RNASET2: variants seen among roughly 807,000 people sequenced by gnomAD.
The protein encoded by RNASET2 is ribonuclease 6.
Under a neutral mutation model 33.9 loss-of-function variants are expected in RNASET2, and 28 were observed. The ratio of observed to expected loss-of-function variants is 0.83; its 90% CI spans 0.61 to 1.13. The LOEUF (loss-of-function observed/expected upper bound fraction) is 1.13. RNASET2 is among the 50% of genes most tolerant of loss of function. RNASET2 has a pLI of 0.00. For missense variants in RNASET2, 330 were observed against 319.9 expected, an observed-to-expected ratio of 1.03 and a Z score of -0.24; for synonymous variants, 123 against 121.0, an observed-to-expected ratio of 1.02 and a Z score of -0.11.
intron 2 of RNASET2, among the ~76,000 whole-genome samples, chr6:166,952,175 C>T (rs898273241): frequency 3.9e-5 from 6 of 152,220 alleles, no homozygotes; most frequent in Non-Finnish European, 2.9e-5. Flanking sequence ...AGAAACAGAA[C>T]AAACTCTCTC....
At position 166,929,712 on chromosome 6, in the gene RNASET2, G is replaced by A. The variant is rs200901770; in HGVS notation, c.647C>T (p.Pro216Leu). Residue 216 changes from proline to leucine, a missense_variant, in exon 9 of 9, where the codon CCG (proline) becomes CTG (leucine). Coordinates refer to ENST00000508775, the MANE Select transcript of RNASET2 (RefSeq NM_003730.6). The part of the protein sequence containing the change: ...QDQQLQNCTE[P>L]GEQPSPKQEV... ...CTGCTTGGGGGACGGCTGCTCCCCC[G>A]GCTCGGTGCAGTTTTGCAGCTGCTG... 3.7e-5 allele frequency: 60 copies of A among 1,613,970 alleles called. 1 individual carries two copies. The highest frequency in any genetic ancestry group is 3.3e-4 in the Middle Eastern group (2 of 6,084).
At chr6:166,949,388 C>A (rs1778928287) in intron 2 of RNASET2, among the ~76,000 whole-genome samples, 1 of 149,822 alleles carries the variant, frequency 6.7e-6, no homozygotes, top group African/African-American at 2.5e-5. Context: ...ACAGTTCCAG[C>A]TCCTCAGGAG....
chr6:166,955,535 C>A lies in RNASET2; in HGVS notation c.86+562G>T, dbSNP rs893190531. On this transcript the variant is annotated intron_variant, in intron 1 of 8. Coordinates refer to ENST00000508775, the MANE Select transcript of RNASET2 (RefSeq NM_003730.6). The stretch of plus-strand genomic sequence containing the variant: ...AAGCTGAAATTAAGTGTCCCCTCCA[C>A]GACTTCTTCGACCTCTGAGAGAACT... The A allele has an allele frequency of 2.7e-5, 27 of 987,072 alleles. No homozygotes were observed. In the Middle Eastern group the frequency reaches 1.6e-3, roughly 57 times the overall value. 61.1% of individuals were successfully genotyped at this position (987,072 alleles called of 1,614,324 possible). A position where few individuals can be genotyped will look rare whatever the true frequency, so the allele number is the denominator to read the frequency against.
intron 2 of RNASET2, among the ~76,000 whole-genome samples, chr6:166,951,594 C>T (rs962621993): frequency 6.6e-6 from 1 of 152,254 alleles, no homozygotes; most frequent in Admixed American, 6.5e-5. Flanking sequence ...TCACACTTGT[C>T]TTCTGGTCAC....
In RNASET2 at chr6:166,927,829, C is replaced by A. The variant is rs567656075; in HGVS notation, c.*1759G>T. On this transcript the variant is annotated 3_prime_UTR_variant, in exon 9 of 9. Coordinates refer to ENST00000508775, the MANE Select transcript of RNASET2 (RefSeq NM_003730.6). ...GACGCAGAGCAAATGCAGGAAATCA[C>A]GCCCTTCCAGGTGCAAAACAAATCA... 6.6e-6 allele frequency among the ~76,000 whole-genome samples: 1 copy of A among 151,714 alleles called. No homozygotes were observed. Among genetic ancestry groups the A allele is most frequent in the Non-Finnish European group, 1.5e-5 (1 of 67,986 alleles).
At chr6:166,930,774 CAT>C (rs1030828829) in intron 8 of RNASET2, among the ~76,000 whole-genome samples, 2 of 149,364 alleles carry the variant, frequency 1.3e-5, no homozygotes, top group South Asian at 2.1e-4. Flanking sequence ...CATGCACACA[CAT>C]GCACACATAG....
intron 4 of RNASET2, 171 bp from the exon 5 acceptor site, chr6:166,943,260 A>G: frequency 1.8e-6 from 1 of 565,472 alleles, no homozygotes; most frequent in Non-Finnish European, 3.2e-6. Context: ...GTTAAGATAT[A>G]TCTACAAGTG....
chr6:166,952,695 C>T (rs529810271), intron 1 of RNASET2, 147 bp from the exon 2 acceptor site: 29 of 702,032 alleles, frequency 4.1e-5, no homozygotes, highest in Admixed American at 3.9e-4. Flanking sequence ...TGCACACACT[C>T]CCGTGAGGAA....
rs928399690 is a variant in RNASET2 at position 166,952,535 on chromosome 6, A to T, written c.100T>A (p.Trp34Arg). 5 of 1,613,206 alleles carry T rather than the reference A, an allele frequency of 3.1e-6. No homozygotes were observed. Among genetic ancestry groups the T allele is most frequent in the Non-Finnish European group, 4.2e-6 (5 of 1,179,204 alleles). Residue 34 changes from tryptophan to arginine, a missense_variant, in exon 2 of 9, where the codon TGG (tryptophan) becomes AGG (arginine). Physicochemically the swap from Trp to Arg is moderately radical, Grantham distance 101 (BLOSUM62 -3). Coordinates refer to ENST00000508775, the MANE Select transcript of RNASET2 (RefSeq NM_003730.6). ...ADKRLRDNHEWKKLIMVQHWP... is the reference protein window; with the variant it reads ...ADKRLRDNHERKKLIMVQHWP... ...TGCTGAACCATAATTAGTTTTTTCCACTCATGGTTGTCACTGTTAAAACAT... is the reference window on the plus strand; with the variant it reads ...TGCTGAACCATAATTAGTTTTTTCCTCTCATGGTTGTCACTGTTAAAACAT...
At chr6:166,942,968 C>T (rs1778727042) in intron 5 of RNASET2, 51 bp downstream of exon 5, 1 of 1,470,380 alleles carries the variant, frequency 6.8e-7, no homozygotes. Context: ...ATCACGCTCC[C>T]CACACCCGCT....
At chr6:166,946,620 GT>G in intron 4 of RNASET2, 61 bp downstream of exon 4, 1 of 913,348 alleles carries the variant, frequency 1.1e-6, no homozygotes. Context: ...AGGTACGCTT[GT>G]GAAGAAAAGA....
chr6:166,944,329 C>T (rs995824563), intron 4 of RNASET2, among the ~76,000 whole-genome samples: 10 of 152,070 alleles, frequency 6.6e-5, no homozygotes, highest in Non-Finnish European at 1.0e-4. Flanking sequence ...TAACAAACTT[C>T]GGATAACTTC....
intron 8 of RNASET2, among the ~76,000 whole-genome samples, chr6:166,930,396 A>G (rs1778390958): frequency 6.6e-6 from 1 of 152,148 alleles, no homozygotes; most frequent in Admixed American, 6.5e-5. Flanking sequence ...CAGTACATGA[A>G]CATGTTCATA....
At chr6:166,955,835 A>C in intron 1 of RNASET2, 3 of 853,494 alleles carry the variant, frequency 3.5e-6, no homozygotes, top group Non-Finnish European at 4.2e-6. Flanking sequence ...GACTCCCCTC[A>C]TCGCACTCCT....
At chr6:166,953,677 AG>A (rs1779040378) in intron 1 of RNASET2, 1 of 152,334 alleles carries the variant, frequency 6.6e-6, no homozygotes, top group Non-Finnish European at 1.5e-5. Flanking sequence ...GCTTGAGCTC[AG>A]GAGTTCAAGA....
chr6:166,933,932 A>G lies in RNASET2; in HGVS notation c.492+159T>C, dbSNP rs1311838609. 2 of 713,330 alleles carry G rather than the reference A, an allele frequency of 2.8e-6. No individual in the cohort carries two copies. Among genetic ancestry groups the G allele is most frequent in the African/African-American group, 3.5e-5 (2 of 56,820 alleles). 44.2% of individuals were successfully genotyped at this position (713,330 alleles called of 1,614,324 possible). A position where few individuals can be genotyped will look rare whatever the true frequency, so the allele number is the denominator to read the frequency against. ...TCAGCTCCTACTCAACATGCGCAGG[A>G]AAATAAAATGCAAATAAAATCTGTT... On this transcript the variant is annotated intron_variant, in intron 7 of 8. Coordinates refer to ENST00000508775, the MANE Select transcript of RNASET2 (RefSeq NM_003730.6). The surrounding 1 kb of genome is among the most constrained non-coding windows in gnomAD (Gnocchi z 4.1).
Position 166,924,770 on chromosome 6 carries a change from T to C in RNASET2, c.*4818A>G, listed in dbSNP as rs997281898. ...GAGTTTGAGACCAGCGTGACCAACATGGAGAAAACCCATCTCTACTAAAAA... is the reference window on the plus strand; with the variant it reads ...GAGTTTGAGACCAGCGTGACCAACACGGAGAAAACCCATCTCTACTAAAAA... On this transcript the variant is annotated 3_prime_UTR_variant, in exon 9 of 9. Transcript: ENST00000508775. Among the ~76,000 whole-genome samples, 8 of 152,070 alleles carry C rather than the reference T, an allele frequency of 5.3e-5. No homozygotes were observed. Among genetic ancestry groups the C allele is most frequent in the African/African-American group, 1.4e-4 (6 of 41,396 alleles).
rs1778365575 is a variant in RNASET2 at position 166,929,454 on chromosome 6, C to A, written c.*134G>T. On this transcript the variant is annotated 3_prime_UTR_variant, in exon 9 of 9. Transcript: ENST00000508775. The stretch of plus-strand genomic sequence containing the variant: ...CCACATGCACTCACTCTACAGGGAC[C>A]ACAACATCCAATTCACAGGCATGGA... 1.1e-6 allele frequency: 1 copy of A among 945,162 alleles called. No individual in the cohort carries two copies. The highest frequency in any genetic ancestry group is 2.4e-5 in the East Asian group (1 of 41,926). The allele number at this position is 945,162 out of a possible 1,614,324, so 58.5% of individuals were successfully genotyped here. A position where few individuals can be genotyped will look rare whatever the true frequency, so the allele number is the denominator to read the frequency against.
chr6:166,942,543 C>T (rs1477194435), intron 5 of RNASET2, among the ~76,000 whole-genome samples: 2 of 152,168 alleles, frequency 1.3e-5, no homozygotes, highest in Non-Finnish European at 2.9e-5. Flanking sequence ...ATCACCCCAG[C>T]TGATCACAGC....
Sources: gnomAD v4.1 joint callset for allele counts (sites outside exome capture counted in the v4.1 genomes callset) on GRCh38, gnomAD v4.1.1 for gene constraint, Gnocchi (gnomAD v3.1) non-coding constraint, MANE v1.5 for transcripts, NCBI Gene and HGNC (gene_info 2026-07-23, HGNC 2026-07-21) for gene names.